C1QTNF3: variants seen among roughly 807,000 people sequenced by gnomAD.
C1QTNF3 encodes C1q and TNF related 3, also known as complement C1q tumor necrosis factor-related protein 3.
C1QTNF3 carries 26 observed loss-of-function variants against 32.6 expected under a neutral mutation model. The ratio of observed to expected loss-of-function variants is 0.80; its 90% CI spans 0.58 to 1.11. The LOEUF is 1.11. Ranked by LOEUF, C1QTNF3 falls within the 50% of genes least tolerant of loss-of-function variation. C1QTNF3 has a pLI of 0.00. For synonymous variants in C1QTNF3, 155 were observed against 146.0 expected, an observed-to-expected ratio of 1.06 and a Z score of -0.44; for missense variants, 362 against 398.2, an observed-to-expected ratio of 0.91 and a Z score of 0.77.
the C1QTNF3 span, among the ~76,000 whole-genome samples, chr5:34,160,537 C>G: frequency 6.6e-6 from 1 of 152,166 alleles, no homozygotes; most frequent in African/African-American, 2.4e-5. Context: ...CAACACTGGG[C>G]TCCCTAAATT....
chr5:34,224,661 G>T, the C1QTNF3 span, among the ~76,000 whole-genome samples: 31 of 151,846 alleles, frequency 2.0e-4, 1 homozygote, highest in South Asian at 6.2e-4. Context: ...TCAAGATGGA[G>T]TAAAGACTTA....
At chr5:34,023,524 G>A (rs1441148836) in intron 5 of C1QTNF3, among the ~76,000 whole-genome samples, 1 of 152,182 alleles carries the variant, frequency 6.6e-6, no homozygotes, top group Non-Finnish European at 1.5e-5. Context: ...CCTTTTAATT[G>A]TAAGAAAGGT....
chr5:34,085,198 TGTTGGCCAGGATG>T, the C1QTNF3 span, among the ~76,000 whole-genome samples: 1 of 150,128 alleles, frequency 6.7e-6, no homozygotes, highest in South Asian at 2.1e-4. Context: ...GGTTTCACCG[TGTTGGCCAGGATG>T]GTCTCGATCT....
rs905270391 is a variant in C1QTNF3 at position 34,018,500 on chromosome 5, G to A, written c.*2083C>T. ...TGAAAAATTAGGGAAGGTAAGAATTGTACTTTAAATGCCATAGGAGTGCCT... is the reference window on the plus strand; with the variant it reads ...TGAAAAATTAGGGAAGGTAAGAATTATACTTTAAATGCCATAGGAGTGCCT... On this transcript the variant is annotated 3_prime_UTR_variant, in exon 6 of 6. Coordinates refer to ENST00000382065, the MANE Select transcript of C1QTNF3 (RefSeq NM_181435.6). Among the ~76,000 whole-genome samples, 2 of 152,114 alleles carry A rather than the reference G, an allele frequency of 1.3e-5. No individual in the cohort carries two copies. The highest frequency in any genetic ancestry group is 2.4e-5 in the African/African-American group (1 of 41,416).
upstream of C1QTNF3, chr5:34,043,923 C>G (rs552390787): frequency 1.5e-4 from 23 of 152,322 alleles, no homozygotes; most frequent in African/African-American, 5.5e-4. Context: ...GCTCCTCTTT[C>G]TTTTGACATA....
chr5:34,074,128 C>T, the C1QTNF3 span, among the ~76,000 whole-genome samples: 1 of 152,176 alleles, frequency 6.6e-6, no homozygotes, highest in African/African-American at 2.4e-5. Context: ...ATACTCAAAA[C>T]AAACTATCAG....
chr5:34,195,407 G>T, the C1QTNF3 span, among the ~76,000 whole-genome samples: 1 of 135,144 alleles, frequency 7.4e-6, no homozygotes, highest in African/African-American at 2.7e-5. Context: ...AATTCTCACA[G>T]AAACTGAAAA....
the C1QTNF3 span, among the ~76,000 whole-genome samples, chr5:34,147,849 A>C: frequency 1.3e-5 from 2 of 152,224 alleles, no homozygotes; most frequent in Non-Finnish European, 2.9e-5. Flanking sequence ...CAAGGGCGGG[A>C]GGAGCCAAGA....
At chr5:34,074,834 A>G in the C1QTNF3 span, among the ~76,000 whole-genome samples, 1 of 151,748 alleles carries the variant, frequency 6.6e-6, no homozygotes, top group Non-Finnish European at 1.5e-5. Context: ...GAGAAAAGAG[A>G]GAGAGAAATA....
chr5:34,056,630 A>G, the C1QTNF3 span, among the ~76,000 whole-genome samples: 1 of 151,104 alleles, frequency 6.6e-6, no homozygotes, highest in Non-Finnish European at 1.5e-5. Context: ...CTCCGACCTC[A>G]GCTTCCCGAG....
the C1QTNF3 span, among the ~76,000 whole-genome samples, chr5:34,213,815 T>A: frequency 3.6e-3 from 8 of 2,230 alleles, no homozygotes; most frequent in African/African-American, 4.4e-3. Context: ...ATATATTTTT[T>A]TTTTTTTGTG....
chr5:34,213,810 T>TATATATATATATA, the C1QTNF3 span, among the ~76,000 whole-genome samples: 506 of 13,516 alleles, frequency 0.037, 21 homozygotes, highest in Middle Eastern at 0.062. Flanking sequence ...TATATATATA[T>TATATATATATATA]TTTTTTTTTT....
chr5:34,208,374 T>C, the C1QTNF3 span, among the ~76,000 whole-genome samples: 2 of 152,008 alleles, frequency 1.3e-5, no homozygotes, highest in African/African-American at 2.4e-5. Context: ...CATCCTGCAG[T>C]AGTGTCAGAG....
At chr5:34,158,260 C>T in the C1QTNF3 span, 1 of 152,130 alleles carries the variant, frequency 6.6e-6, no homozygotes, top group East Asian at 1.9e-4. Flanking sequence ...GTGCATGCCA[C>T]CATGCCCGGC....
chr5:34,033,233 A>G, intron 3 of C1QTNF3, 71 bp downstream of exon 3: 1 of 1,541,918 alleles, frequency 6.5e-7, no homozygotes, highest in Non-Finnish European at 8.8e-7. Context: ...GCGCTCGAAC[A>G]TCCTGATTCC....
At chr5:34,231,511 A>C in the C1QTNF3 span, among the ~76,000 whole-genome samples, 3 of 152,188 alleles carry the variant, frequency 2.0e-5, no homozygotes, top group Admixed American at 6.6e-5. Flanking sequence ...TTTGGTTAGT[A>C]TGTCTCTTTA....
chr5:34,228,336 T>C, the C1QTNF3 span, among the ~76,000 whole-genome samples: 5 of 151,576 alleles, frequency 3.3e-5, no homozygotes, highest in Admixed American at 2.0e-4. Flanking sequence ...CAACAAAAGT[T>C]ACTGAAGACT....
the C1QTNF3 span, among the ~76,000 whole-genome samples, chr5:34,125,592 G>A: frequency 5.3e-5 from 8 of 151,686 alleles, no homozygotes; most frequent in Non-Finnish European, 1.2e-4. Flanking sequence ...GTGACCTACT[G>A]TGTTCTGCAA....
At chr5:34,175,048 C>CTTT in the C1QTNF3 span, among the ~76,000 whole-genome samples, 1 of 136,530 alleles carries the variant, frequency 7.3e-6, no homozygotes, top group African/African-American at 2.7e-5. Context: ...TGCCCAGCTC[C>CTTT]TTTTTTTTTT....
Sources: gnomAD v4.1 joint callset for allele counts (sites outside exome capture counted in the v4.1 genomes callset) on GRCh38, gnomAD v4.1.1 for gene constraint, MANE v1.5 for transcripts, NCBI Gene and HGNC (gene_info 2026-07-23, HGNC 2026-07-21) for gene names.